The following MGAT4C variants were observed in gnomAD, a reference collection of about 807,000 sequenced individuals.
The protein encoded by MGAT4C is MGAT4 family member C, also known as alpha-1,3-mannosyl-glycoprotein 4-beta-N-acetylglucosaminyltransferase C.
Under a neutral mutation model 40.1 loss-of-function variants are expected in MGAT4C, and 19 were observed. The ratio of observed to expected loss-of-function variants is 0.47; its 90% confidence interval spans 0.33 to 0.70. The LOEUF (loss-of-function observed/expected upper bound fraction) is 0.70, where lower values mean the gene tolerates loss of function less well. Among genes scored for constraint, MGAT4C ranks in the 30% least tolerant of loss-of-function variants. The pLI, the probability that MGAT4C is intolerant of heterozygous loss-of-function variation, is 0.02. For missense variants in MGAT4C, 491 were observed against 563.2 expected (o/e 0.87, Z 1.30); for synonymous variants, 181 against 187.1 (o/e 0.97, Z 0.27).
chr12:86,718,307 GC>G (rs1565945812), intron 2 of MGAT4C, among the ~76,000 whole-genome samples: 1 of 152,088 alleles, frequency 6.6e-6, no homozygotes, highest in East Asian at 1.9e-4. Context: ...TGGTATAAAA[GC>G]CCCAAACAGT....
At chr12:86,269,029 T>C (rs1402120310) in intron 4 of MGAT4C, among the ~76,000 whole-genome samples, 4 of 118,570 alleles carry the variant, frequency 3.4e-5, no homozygotes, top group Non-Finnish European at 7.2e-5. Flanking sequence ...TATATATATA[T>C]ATATATATAT....
chr12:86,046,623 A>G (rs1339279411), intron 2 of MGAT4C, among the ~76,000 whole-genome samples: 1 of 152,186 alleles, frequency 6.6e-6, no homozygotes, highest in Non-Finnish European at 1.5e-5. Context: ...AAACTGTTGT[A>G]AGCTATTAAG....
At chr12:86,756,375 G>A (rs1250971078) in intron 1 of MGAT4C, among the ~76,000 whole-genome samples, 2 of 151,910 alleles carry the variant, frequency 1.3e-5, no homozygotes, top group African/African-American at 4.8e-5. Context: ...AAAGGCCTCT[G>A]TCTTCTAATA....
chr12:86,515,465 A>C (rs1438252239), intron 2 of MGAT4C, among the ~76,000 whole-genome samples: 1 of 152,230 alleles, frequency 6.6e-6, no homozygotes, highest in African/African-American at 2.4e-5. Flanking sequence ...TACAGAAATT[A>C]ATTATATTTT....
At chr12:86,270,085 G>C (rs557970932) in intron 4 of MGAT4C, among the ~76,000 whole-genome samples, 1 of 151,558 alleles carries the variant, frequency 6.6e-6, no homozygotes, top group South Asian at 2.1e-4. Flanking sequence ...TTTTTCTTTT[G>C]AGACAGAGTC....
At chr12:86,519,112 A>G (rs1188452155) in intron 2 of MGAT4C, among the ~76,000 whole-genome samples, 1 of 152,142 alleles carries the variant, frequency 6.6e-6, no homozygotes, top group Non-Finnish European at 1.5e-5. Flanking sequence ...TTATGACTAG[A>G]TTGTGGTAAT....
At chr12:86,242,053 T>C (rs1393842670) in intron 1 of MGAT4C, among the ~76,000 whole-genome samples, 1 of 152,134 alleles carries the variant, frequency 6.6e-6, no homozygotes, top group Non-Finnish European at 1.5e-5. Context: ...CTTTTCACTA[T>C]ACAATCACAC....
At chr12:86,447,090 C>G (rs1035167376) in intron 2 of MGAT4C, among the ~76,000 whole-genome samples, 31 of 151,908 alleles carry the variant, frequency 2.0e-4, no homozygotes, top group African/African-American at 7.5e-4. Flanking sequence ...AATGAGTGTC[C>G]TTTTTGCTAA....
chr12:86,806,633 C>G (rs1484143367), intron 1 of MGAT4C, among the ~76,000 whole-genome samples: 4 of 152,036 alleles, frequency 2.6e-5, no homozygotes, highest in African/African-American at 9.7e-5. Flanking sequence ...ATCACCTCCA[C>G]TTCAGTCCCT....
intron 1 of MGAT4C, among the ~76,000 whole-genome samples, chr12:86,802,207 G>C (rs888351947): frequency 7.2e-5 from 11 of 151,924 alleles, no homozygotes; most frequent in South Asian, 2.1e-4. Flanking sequence ...CCTTAAACTT[G>C]CCAGCTTTTT....
Position 85,957,819 on chromosome 12 carries a change from A to T in MGAT4C, c.*21470T>A, listed in dbSNP as rs1882889938. On this transcript the variant is annotated 3_prime_UTR_variant, in exon 5 of 5. Coordinates refer to ENST00000611864, the MANE Select transcript of MGAT4C (RefSeq NM_001351288.2). ...TGCATGCATTTAATAATAGTTTAAG[A>T]TATTAAATAATTAAATAGGTAATGG... is the stretch of plus-strand genomic sequence containing the variant. The T allele has an allele frequency of 7.5e-6, 1 of 133,508 alleles. No individual in the cohort carries two copies. Among genetic ancestry groups the T allele is most frequent in the African/African-American group, 2.5e-5 (1 of 39,452 alleles). 8.3% of individuals were successfully genotyped at this position (133,508 alleles called of 1,614,324 possible).
chr12:86,197,500 G>C (rs1281768397), intron 1 of MGAT4C, among the ~76,000 whole-genome samples: 1 of 151,924 alleles, frequency 6.6e-6, no homozygotes, highest in East Asian at 1.9e-4. Context: ...GGAACTCATA[G>C]TTCTCTTGCC....
chr12:86,136,160 T>C (rs1258540233), intron 1 of MGAT4C, among the ~76,000 whole-genome samples: 1 of 152,198 alleles, frequency 6.6e-6, no homozygotes, highest in Non-Finnish European at 1.5e-5. Context: ...TCTATTAGTC[T>C]GTTAGATAGA....
chr12:85,998,657 T>C (rs544335921), intron 2 of MGAT4C, among the ~76,000 whole-genome samples: 3 of 152,148 alleles, frequency 2.0e-5, no homozygotes, highest in Non-Finnish European at 2.9e-5. Flanking sequence ...TCCTAAAACA[T>C]AACAAGAGTC....
chr12:86,326,980 A>G (rs775867730), intron 4 of MGAT4C, among the ~76,000 whole-genome samples: 2 of 152,178 alleles, frequency 1.3e-5, no homozygotes, highest in African/African-American at 2.4e-5. Flanking sequence ...AAATAGCAGG[A>G]CACTTGTCAG....
intron 2 of MGAT4C, among the ~76,000 whole-genome samples, chr12:86,449,512 T>A (rs549714607): frequency 7.2e-4 from 109 of 152,278 alleles, no homozygotes; most frequent in Non-Finnish European, 1.2e-3. Context: ...CAGCCATTTA[T>A]CAAATCAAAT....
At chr12:86,413,795 T>C (rs1262309443) in intron 3 of MGAT4C, among the ~76,000 whole-genome samples, 1 of 152,186 alleles carries the variant, frequency 6.6e-6, no homozygotes, top group Non-Finnish European at 1.5e-5. Flanking sequence ...TTGCCATCTT[T>C]AGCTTCCCAA....
intron 4 of MGAT4C, among the ~76,000 whole-genome samples, chr12:86,319,489 G>A (rs1323389014): frequency 6.6e-6 from 1 of 152,022 alleles, no homozygotes; most frequent in African/African-American, 2.4e-5. Context: ...ATTTATTGGG[G>A]CATTTATTAA....
chr12:86,295,890 A>C (rs4842613), intron 4 of MGAT4C, among the ~76,000 whole-genome samples: 127,359 of 148,566 alleles, frequency 0.86, 54,668 homozygotes, highest in East Asian at 0.95. Context: ...CCTTGAGCTA[A>C]ACACAGGGTG....
Sources: allele counts gnomAD v4.1 joint callset (sites outside exome capture counted in the v4.1 genomes callset), GRCh38; gene constraint gnomAD v4.1.1; transcripts MANE v1.5; gene names NCBI Gene and HGNC (gene_info 2026-07-23, HGNC 2026-07-21).